POLD3: variants seen among roughly 807,000 people sequenced by gnomAD.
The protein encoded by POLD3 is DNA polymerase delta 3, accessory subunit, also known as DNA polymerase delta subunit 3.
POLD3 carries 19 observed loss-of-function variants against 58.2 expected under a neutral mutation model. The observed-to-expected ratio is 0.33, with a 90% CI of 0.23 to 0.48. The LOEUF (loss-of-function observed/expected upper bound fraction) is 0.48. Ranked by LOEUF, POLD3 falls within the 20% of genes least tolerant of loss-of-function variation. The probability of loss-of-function intolerance (pLI) is 0.99; values close to 1 mark genes in which losing one functional copy is unlikely to be tolerated. For missense variants in POLD3, 504 were observed against 545.5 expected (o/e 0.92, Z 0.76); for synonymous variants, 172 against 193.5 (o/e 0.89, Z 0.92).
At chr11:74,669,007 G>T in exon 5 of POLD3, 3 of 342,954 alleles carry the variant, frequency 8.7e-6, no homozygotes, top group Non-Finnish European at 5.6e-6. Flanking sequence ...TTTTTTAGAA[G>T]AGGGTTTCTG....
At chr11:74,636,019 G>A (rs1426572062) in intron 10 of POLD3, among the ~76,000 whole-genome samples, 178 bp from the exon 11 acceptor site, 1 of 152,202 alleles carries the variant, frequency 6.6e-6, no homozygotes, top group Middle Eastern at 3.2e-3. Context: ...TGTGTATATA[G>A]TGGGCGTAAC....
At chr11:74,645,255 T>G (rs1264035363), downstream of POLD3, among the ~76,000 whole-genome samples, 1 of 152,236 alleles carries the variant, frequency 6.6e-6, no homozygotes, top group Non-Finnish European at 1.5e-5. Flanking sequence ...TTCAGCTATT[T>G]GAACTTCACT....
chr11:74,597,971 C>T (rs895765430), intron 2 of POLD3, among the ~76,000 whole-genome samples: 1 of 152,028 alleles, frequency 6.6e-6, no homozygotes, highest in Non-Finnish European at 1.5e-5. Context: ...GTCTTAGCTA[C>T]TCAGAAGGCT....
At position 74,634,642 on chromosome 11, in the gene POLD3, T is replaced by C. The variant is rs757190682; in HGVS notation, c.1066T>C (p.Ser356Pro). The change falls in exon 10 of 12, where the codon TCT becomes CCT. Residue 356 changes from serine to proline, a missense_variant. Ser to Pro is a moderately conservative substitution (Grantham distance 74). Around this residue, in one of 2 missense-constraint regions of POLD3, gnomAD observed 385 missense variants for 370.5 expected, o/e 1.04. Transcript: ENST00000263681. ...AESPSPPPPP[S>P]PPLEPVPKTE... ...GTCACCATCCCCACCTCCTCCTCCG[T>C]CTCCACCTCTTGAACCAGTGCCAAA... 1.9e-6 allele frequency: 3 copies of C among 1,613,488 alleles called. No individual in the cohort carries two copies. Among genetic ancestry groups the C allele is most frequent in the Non-Finnish European group, 2.5e-6 (3 of 1,179,432 alleles).
intron 4 of POLD3, among the ~76,000 whole-genome samples, chr11:74,666,820 T>G (rs577073178): frequency 5.7e-4 from 87 of 152,262 alleles, no homozygotes; most frequent in African/African-American, 2.0e-3. Context: ...GAAATCCTTC[T>G]TGATTTCAAA....
At chr11:74,608,522 G>T (rs980611710) in intron 3 of POLD3, among the ~76,000 whole-genome samples, 4 of 152,138 alleles carry the variant, frequency 2.6e-5, no homozygotes, top group Non-Finnish European at 4.4e-5. Context: ...CCCCCTCCTA[G>T]GCTCTGGGTT....
At chr11:74,637,419 T>C (rs2135179355) in intron 11 of POLD3, among the ~76,000 whole-genome samples, 1 of 138,742 alleles carries the variant, frequency 7.2e-6, no homozygotes, top group South Asian at 2.3e-4. Context: ...ATGGGTTTTT[T>C]TTTTTCTTTT....
intron 4 of POLD3, among the ~76,000 whole-genome samples, chr11:74,662,880 T>C (rs1042010078): frequency 2.6e-5 from 4 of 152,202 alleles, no homozygotes; most frequent in Admixed American, 2.6e-4. Flanking sequence ...GATTCCTCTC[T>C]GGCTATGGCT....
intron 4 of POLD3, among the ~76,000 whole-genome samples, chr11:74,668,377 G>A (rs1449313950): frequency 6.6e-6 from 1 of 152,108 alleles, no homozygotes; most frequent in Non-Finnish European, 1.5e-5. Flanking sequence ...CATTAGAGTG[G>A]AATACTGTCC....
rs373196298 is a variant in POLD3 at position 74,658,821 on chromosome 11, A to C, written c.370-9956A>C. Among the ~76,000 whole-genome samples the C allele has an allele frequency of 2.4e-4, 37 of 152,302 alleles. 1 individual carries two copies. In the East Asian group the frequency reaches 7.2e-3, roughly 29 times the overall value. ...CCACCCCTGTGGCTTTGCAGGGTAC[A>C]GCCTCTCTCCTGGCTGCTTTCATGG... On this transcript the variant is annotated intron_variant, in intron 4 of 4. Transcript: ENST00000524752.
At chr11:74,613,762 A>G (rs536564682) in intron 5 of POLD3, among the ~76,000 whole-genome samples, 28 of 152,334 alleles carry the variant, frequency 1.8e-4, no homozygotes, top group Non-Finnish European at 3.4e-4. Context: ...ACCATACAGT[A>G]TAGAGTGAAT....
At chr11:74,663,351 GC>G (rs2033228048) in intron 4 of POLD3, among the ~76,000 whole-genome samples, 1 of 152,216 alleles carries the variant, frequency 6.6e-6, no homozygotes. Context: ...TTTCTAGTAG[GC>G]TTTTTTGTAG....
At chr11:74,595,167 T>TC (rs1226224027) in intron 2 of POLD3, 11 of 65,108 alleles carry the variant, frequency 1.7e-4, no homozygotes, top group Non-Finnish European at 2.9e-5. Context: ...GATGAACTCT[T>TC]TTTTTTTTTT....
At chr11:74,638,331 G>A (rs990709834) in intron 11 of POLD3, among the ~76,000 whole-genome samples, 23 of 151,792 alleles carry the variant, frequency 1.5e-4, no homozygotes, top group Admixed American at 1.1e-3. Context: ...TGCCCTGACT[G>A]TTTTTTAACT....
intron 2 of POLD3, among the ~76,000 whole-genome samples, chr11:74,598,690 CT>C: frequency 6.6e-6 from 1 of 152,272 alleles, no homozygotes; most frequent in South Asian, 2.1e-4. Flanking sequence ...GACTAGAGTG[CT>C]TGCATGTGGT....
intron 8 of POLD3, among the ~76,000 whole-genome samples, chr11:74,627,141 A>G (rs886575922): frequency 2.6e-5 from 4 of 152,132 alleles, no homozygotes; most frequent in Admixed American, 2.0e-4. Flanking sequence ...ATAAGAGATG[A>G]CAGCTTCATG....
Position 74,622,285 on chromosome 11 carries a change from C to G in POLD3, c.733+2196C>G, listed in dbSNP as rs565904197. Among the ~76,000 whole-genome samples, 12 of 151,264 alleles carry G rather than the reference C, an allele frequency of 7.9e-5. No individual in the cohort carries two copies. In the South Asian group the frequency reaches 1.0e-3, roughly 13 times the overall value. On this transcript the variant is annotated intron_variant, in intron 7 of 11. Transcript: ENST00000263681. ...CAGTCTATCATTGTTGGACATTTGG[C>G]TTGGTTCCAAGTCTTTGCTATTGTG... is the stretch of plus-strand genomic sequence containing the variant.
intron 7 of POLD3, among the ~76,000 whole-genome samples, chr11:74,622,140 G>A (rs563090122): frequency 4.7e-4 from 72 of 151,784 alleles, no homozygotes; most frequent in Admixed American, 2.9e-3. Context: ...TTGTTCTTGC[G>A]ATAGTTTACT....
At chr11:74,651,678 A>G (rs1220171281) in intron 4 of POLD3, among the ~76,000 whole-genome samples, 2 of 152,168 alleles carry the variant, frequency 1.3e-5, no homozygotes, top group Non-Finnish European at 2.9e-5. Context: ...CCAGGCAAAG[A>G]TGGTACAGTA....
Sources: allele counts gnomAD v4.1 joint callset (sites outside exome capture counted in the v4.1 genomes callset), GRCh38; gene constraint gnomAD v4.1.1; regional missense constraint gnomAD v4.1.1; transcripts MANE v1.5; gene names NCBI Gene and HGNC (gene_info 2026-07-23, HGNC 2026-07-21).